SLC7A14: variants seen among roughly 807,000 people sequenced by gnomAD.
SLC7A14 encodes gamma-aminobutyric acid transporter SLC7A14.
Under a neutral mutation model 60.2 loss-of-function variants are expected in SLC7A14, and 37 were observed. The ratio of observed to expected loss-of-function variants is 0.61; its 90% CI spans 0.47 to 0.81. The LOEUF is 0.81. Among genes scored for constraint, SLC7A14 ranks in the 30% least tolerant of loss-of-function variants. The probability of loss-of-function intolerance (pLI) is 0.00; values close to 1 mark genes in which losing one functional copy is unlikely to be tolerated. For missense variants in SLC7A14, 886 were observed against 982.7 expected (o/e 0.90, Z 1.32); for synonymous variants, 399 against 395.8 (o/e 1.01, Z -0.10).
At chr3:170,571,984 C>T (rs1484206092) in intron 1 of SLC7A14, among the ~76,000 whole-genome samples, 3 of 149,836 alleles carry the variant, frequency 2.0e-5, no homozygotes, top group African/African-American at 7.4e-5. Flanking sequence ...TCACTTGAGC[C>T]CAGGAAATGG....
chr3:170,575,804 G>T (rs1248062879), intron 1 of SLC7A14, among the ~76,000 whole-genome samples: 2 of 152,170 alleles, frequency 1.3e-5, no homozygotes, highest in African/African-American at 2.4e-5. Flanking sequence ...TGATTTCTGA[G>T]ATTTCTTCTA....
chr3:170,585,583 C>G lies in SLC7A14; in HGVS notation c.-153+328G>C, dbSNP rs1297448801. On this transcript the variant is annotated intron_variant, in intron 1 of 7. Coordinates refer to ENST00000231706, the MANE Select transcript of SLC7A14 (RefSeq NM_020949.3). This position sits in a 1 kb window ranked among gnomAD's most constrained non-coding sequence, Gnocchi z 5.1. Reference sequence around the variant, plus strand: ...CGCTCGCGGCTCCCCTTCTGCCTCCCGCTCTAGCGGCGCCGGAGCCGCGCT... The same window carrying G: ...CGCTCGCGGCTCCCCTTCTGCCTCCGGCTCTAGCGGCGCCGGAGCCGCGCT... 7.9e-5 allele frequency among the ~76,000 whole-genome samples: 12 copies of G among 152,284 alleles called. No homozygotes were observed. Among genetic ancestry groups the G allele is most frequent in the Admixed American group, 5.9e-4 (9 of 15,308 alleles).
intron 2 of SLC7A14, among the ~76,000 whole-genome samples, chr3:170,507,311 T>C (rs1712812416): frequency 6.6e-6 from 1 of 152,230 alleles, no homozygotes; most frequent in African/African-American, 2.4e-5. Context: ...TTTCCTGACC[T>C]TGAAGCATCT....
At position 170,569,206 on chromosome 3, in the gene SLC7A14, A is replaced by T. The variant is rs1714875471; in HGVS notation, c.-153+16705T>A. ...TCCCATCAATACCTAATTTATTGAG[A>T]GTTTTTAGCATGAAGGGTTGTTGAA... is the stretch of plus-strand genomic sequence containing the variant. On this transcript the variant is annotated intron_variant, in intron 1 of 7. Transcript: ENST00000231706. 2.0e-5 allele frequency among the ~76,000 whole-genome samples: 3 copies of T among 152,016 alleles called. No homozygotes were observed. The South Asian group carries it at 6.2e-4, about 32-fold the overall frequency.
intron 1 of SLC7A14, among the ~76,000 whole-genome samples, chr3:170,530,016 A>T (rs1713624947): frequency 6.6e-6 from 1 of 152,228 alleles, no homozygotes; most frequent in Non-Finnish European, 1.5e-5. Flanking sequence ...ATGGTGAGAC[A>T]ATACATTTCT....
At position 170,466,356 on chromosome 3, in the gene SLC7A14, T is replaced by C. The variant is rs562032874; in HGVS notation, c.*699A>G. ...TTCTGGCTTTTACCGCAAGATATGG[T>C]TATTTAATTTTCTTCTGGGCATTTA... On this transcript the variant is annotated 3_prime_UTR_variant, in exon 8 of 8. Coordinates refer to ENST00000231706, the MANE Select transcript of SLC7A14 (RefSeq NM_020949.3). The C allele has an allele frequency of 4.6e-5, 7 of 152,332 alleles. No individual in the cohort carries two copies. The highest frequency in any genetic ancestry group is 1.7e-4 in the African/African-American group (7 of 41,576). The allele number at this position is 152,332 out of a possible 1,614,324, so 9.4% of individuals were successfully genotyped here.
chr3:170,479,908 A>G (rs902851978), intron 7 of SLC7A14, among the ~76,000 whole-genome samples: 1 of 152,202 alleles, frequency 6.6e-6, no homozygotes, highest in African/African-American at 2.4e-5. Context: ...TCATTTTACA[A>G]TTCTTAGTTT....
At chr3:170,505,875 A>G (rs1577521470) in intron 2 of SLC7A14, among the ~76,000 whole-genome samples, 2 of 151,794 alleles carry the variant, frequency 1.3e-5, no homozygotes, top group East Asian at 3.9e-4. Flanking sequence ...ACAACAGAGC[A>G]AGACTCTGTT....
At chr3:170,473,503 T>A (rs756156415) in intron 7 of SLC7A14, among the ~76,000 whole-genome samples, 2 of 152,174 alleles carry the variant, frequency 1.3e-5, no homozygotes, top group Admixed American at 6.5e-5. Context: ...GGGTGCACTT[T>A]CCAGCAGGAA....
chr3:170,556,081 T>C (rs73163891), intron 1 of SLC7A14, among the ~76,000 whole-genome samples: 18,026 of 152,264 alleles, frequency 0.12, 1,341 homozygotes, highest in East Asian at 0.2. Flanking sequence ...GTACCACAAA[T>C]GTTGGTTGTA....
chr3:170,560,909 C>T (rs1714629044), intron 1 of SLC7A14, among the ~76,000 whole-genome samples: 1 of 152,176 alleles, frequency 6.6e-6, no homozygotes. Context: ...TTACCATGTA[C>T]ACATGGTTAC....
intron 6 of SLC7A14, 147 bp downstream of exon 6, chr3:170,483,167 C>G: frequency 1.1e-6 from 1 of 921,458 alleles, no homozygotes. Context: ...CTCTGTTACT[C>G]AGACTTTTCT....
chr3:170,507,838 G>A (rs746307256), intron 2 of SLC7A14, among the ~76,000 whole-genome samples: 6 of 152,194 alleles, frequency 3.9e-5, no homozygotes, highest in Non-Finnish European at 7.3e-5. Context: ...TGGGAGAACC[G>A]AGGCTGGTCT....
At chr3:170,476,019 T>A (rs1352783039) in intron 7 of SLC7A14, among the ~76,000 whole-genome samples, 1 of 152,156 alleles carries the variant, frequency 6.6e-6, no homozygotes, top group Non-Finnish European at 1.5e-5. Flanking sequence ...AGCCTCAAAA[T>A]CACATTTCTA....
intron 7 of SLC7A14, among the ~76,000 whole-genome samples, chr3:170,472,771 A>AC (rs1231312985): frequency 6.6e-6 from 1 of 151,710 alleles, no homozygotes; most frequent in Non-Finnish European, 1.5e-5. Context: ...CCGTCTCAAA[A>AC]AAAAAAAAAA....
rs530107427 is a variant in SLC7A14 at position 170,535,804 on chromosome 3, G to T, written c.-152-8716C>A. Among the ~76,000 whole-genome samples the T allele has an allele frequency of 6.6e-6, 1 of 152,292 alleles. No homozygotes were observed. Among genetic ancestry groups the T allele is most frequent in the South Asian group, 2.1e-4 (1 of 4,826 alleles). On this transcript the variant is annotated intron_variant, in intron 1 of 7. Coordinates refer to ENST00000231706, the MANE Select transcript of SLC7A14 (RefSeq NM_020949.3). This position sits in a 1 kb window ranked among gnomAD's most constrained non-coding sequence, Gnocchi z 4.3. ...TATCCCCCCTGTCATTTCAGGCAGT[G>T]GGTAGTACTCATGTTTCTAGCCCTT...
At chr3:170,556,980 G>A (rs1166682006) in intron 1 of SLC7A14, among the ~76,000 whole-genome samples, 1 of 152,112 alleles carries the variant, frequency 6.6e-6, no homozygotes, top group African/African-American at 2.4e-5. Flanking sequence ...TTAAAAAGTG[G>A]TGCGCATGAG....
rs1030684955 is a variant in SLC7A14 at position 170,504,636 on chromosome 3, C to T, written c.305-3291G>A. On this transcript the variant is annotated intron_variant, in intron 2 of 7. Transcript: ENST00000231706. ...CGCCCGGCGAAACCTTGGTTTTTAT[C>T]CTAGATTATCTAGGGTCCTAGATTA... is the stretch of plus-strand genomic sequence containing the variant. Among the ~76,000 whole-genome samples, 20 of 151,970 alleles carry T rather than the reference C, an allele frequency of 1.3e-4. 1 individual carries two copies. In the East Asian group the frequency reaches 1.5e-3, roughly 12 times the overall value.
intron 3 of SLC7A14, among the ~76,000 whole-genome samples, 179 bp from the exon 4 acceptor site, chr3:170,499,063 T>C (rs1577515499): frequency 2.0e-5 from 3 of 151,332 alleles, no homozygotes; most frequent in Admixed American, 1.3e-4. Context: ...GGTGAAACCC[T>C]GTCTCTACTA....
Sources: gnomAD v4.1 joint callset for allele counts (sites outside exome capture counted in the v4.1 genomes callset) on GRCh38, gnomAD v4.1.1 for gene constraint, Gnocchi (gnomAD v3.1) non-coding constraint, MANE v1.5 for transcripts, NCBI Gene and HGNC (gene_info 2026-07-23, HGNC 2026-07-21) for gene names.